NOC4L: variants seen among roughly 807,000 people sequenced by gnomAD.
The protein encoded by NOC4L is nucleolar complex protein 4 homolog.
In NOC4L, 40 loss-of-function variants were observed where a neutral mutation model predicts 62.8. The ratio of observed to expected loss-of-function variants is 0.64; its 90% CI spans 0.49 to 0.83. NOC4L has a LOEUF of 0.83. NOC4L is among the 40% of genes least tolerant of loss of function. The pLI is 0.00. For missense variants in NOC4L, 927 were observed against 701.9 expected (o/e 1.32, Z -3.62); for synonymous variants, 433 against 299.8 (o/e 1.44, Z -4.59).
At chr12:132,150,791 TCCCCGATCCCACTGCCTCCA>T in intron 9 of NOC4L, 170 bp from the exon 10 acceptor site, 1 of 597,918 alleles carries the variant, frequency 1.7e-6, no homozygotes, top group Non-Finnish European at 3.0e-6. Flanking sequence ...CAGCACCTCT[TCCCCGATCCCACTGCCTCCA>T]CCCCCCACTC....
Position 132,144,800 on chromosome 12 carries a change from AG to A in NOC4L, c.118-50del, listed in dbSNP as rs547395275. 2,575 of 1,569,832 alleles carry A rather than the reference AG, an allele frequency of 1.6e-3. 27 individuals carry two copies. In the African/African-American group the frequency reaches 0.031, roughly 19 times the overall value. ...GGAACGGGTTGGGGGCAGCCTAGGC[AG>A]GGGCGAAGGTGACAGTTGGCGGCCG... On this transcript the variant is annotated intron_variant, in intron 1 of 14. Transcript: ENST00000330579.
chr12:132,148,798 C>T lies in NOC4L; in HGVS notation c.804C>T (p.Leu268=), dbSNP rs920981417. 2 of 1,596,830 alleles carry T rather than the reference C, an allele frequency of 1.3e-6. No homozygotes were observed. The highest frequency in any genetic ancestry group is 1.1e-5 in the South Asian group (1 of 89,424). Residue 268 remains leucine, a synonymous_variant, in exon 9 of 15, where the codon CTC becomes CTT. Coordinates refer to ENST00000330579, the MANE Select transcript of NOC4L (RefSeq NM_024078.3). ...SFLKHKLPLS[L]YKKVLLIVHD... is the part of the protein sequence containing the mutation. ...CCCCCGCCCAGCTGCCCCTCAGCCT[C>T]TACAAGAAGGTGCTGCTGATTGTGC...
chr12:132,145,074 T>A, intron 2 of NOC4L, 100 bp downstream of exon 2: 1 of 1,444,920 alleles, frequency 6.9e-7, no homozygotes, highest in East Asian at 2.5e-5. Context: ...GCACAGGCCG[T>A]GCAGGCTGGT....
At chr12:132,144,666 G>C (rs1159732276) in intron 1 of NOC4L, 61 bp downstream of exon 1, 27 of 1,456,286 alleles carry the variant, frequency 1.9e-5, no homozygotes, top group Non-Finnish European at 2.4e-5. Flanking sequence ...TGAATGGGGG[G>C]CTGCGGCGGC....
intron 9 of NOC4L, 189 bp from the exon 10 acceptor site, chr12:132,150,792 C>A: frequency 1.7e-6 from 1 of 571,682 alleles, no homozygotes; most frequent in Non-Finnish European, 3.2e-6. Context: ...AGCACCTCTT[C>A]CCCGATCCCA....
chr12:132,148,977 C>CG, intron 9 of NOC4L, 82 bp downstream of exon 9: 1 of 217,504 alleles, frequency 4.6e-6, no homozygotes. Flanking sequence ...CACCCCTAAT[C>CG]CCCTCGGTGA....
rs199587831 is a variant in NOC4L, at chr12:132,152,291, C to T, written c.1441C>T (p.Arg481Trp). The part of the protein sequence containing the change: ...LELTAYEIFE[R>W]DLKKKGPEPV... Reference sequence around the variant, plus strand: ...GCTTTGTGCTTTGCAGATCTTTGAGCGGGACCTGAAGAAGAAGGGGCCCGA... The same window carrying T: ...GCTTTGTGCTTTGCAGATCTTTGAGTGGGACCTGAAGAAGAAGGGGCCCGA... Residue 481 changes from arginine to tryptophan, a missense_variant, in exon 15 of 15, where the codon CGG (arginine) becomes TGG (tryptophan). Arg to Trp is a moderately radical substitution (Grantham distance 101). Coordinates refer to ENST00000330579, the MANE Select transcript of NOC4L (RefSeq NM_024078.3). 5.5e-4 allele frequency: 864 copies of T among 1,563,924 alleles called. 3 individuals carry two copies. The highest frequency in any genetic ancestry group is 3.8e-3 in the South Asian group (324 of 85,848).
chr12:132,152,437 C>T lies in NOC4L; in HGVS notation c.*36C>T, dbSNP rs1593434068. ...CCTGTGAATAAATCTCAGCTGACCC[C>T]AGCCCACCTGTGAATAAATGTTTTT... is the stretch of plus-strand genomic sequence containing the variant. On this transcript the variant is annotated 3_prime_UTR_variant, in exon 15 of 15. Transcript: ENST00000330579. The T allele has an allele frequency of 6.5e-7, 1 of 1,545,896 alleles. No homozygotes were observed. The highest frequency in any genetic ancestry group is 8.8e-7 in the Non-Finnish European group (1 of 1,140,974).
intron 9 of NOC4L, 74 bp from the exon 10 acceptor site, chr12:132,150,907 T>TA: frequency 8.9e-7 from 1 of 1,128,584 alleles, no homozygotes; most frequent in Middle Eastern, 2.1e-4. Context: ...TCCACAGACT[T>TA]ACACTCAGTG....
At position 132,151,031 on chromosome 12, in the gene NOC4L, A is replaced by C. The variant is rs1404027632; in HGVS notation, c.952A>C (p.Lys318Gln). The change falls in exon 10 of 15, where the codon AAA becomes CAA. Residue 318 changes from lysine (K) to glutamine (Q), a missense_variant. Coordinates refer to ENST00000330579, the MANE Select transcript of NOC4L (RefSeq NM_024078.3). ...ALNGLFILIH[K>Q]HNLEYPDFYR... ...GAACGGGCTGTTCATCTTGATTCAC[A>C]AACACAACCTGTGAGTGTCACCAGG... The C allele has an allele frequency of 7.4e-6, 12 of 1,610,976 alleles. No individual in the cohort carries two copies. In the Admixed American group the frequency reaches 1.7e-4, roughly 22 times the overall value.
At position 132,152,374 on chromosome 12, in the gene NOC4L, C is replaced by G. The variant is rs1168410063; in HGVS notation, c.1524C>G (p.Leu508=). The change falls in exon 15 of 15, where the codon CTC becomes CTG. Residue 508 remains leucine, a synonymous_variant. Coordinates refer to ENST00000330579, the MANE Select transcript of NOC4L (RefSeq NM_024078.3). ...AQGLLGRPGE[L]CAQHFTLS Reference sequence around the variant, plus strand: ...GCCTGCTGGGACGGCCGGGTGAACTCTGTGCCCAGCACTTCACGCTCAGCT... The same window carrying G: ...GCCTGCTGGGACGGCCGGGTGAACTGTGTGCCCAGCACTTCACGCTCAGCT... 6.3e-7 allele frequency: 1 copy of G among 1,579,676 alleles called. No homozygotes were observed. The highest frequency in any genetic ancestry group is 8.6e-7 in the Non-Finnish European group (1 of 1,161,986).
At position 132,144,897 on chromosome 12, in the gene NOC4L, G is replaced by A. The variant is rs1565957302; in HGVS notation, c.161G>A (p.Ser54Asn). The A allele has an allele frequency of 5.0e-6, 8 of 1,602,332 alleles. No individual in the cohort carries two copies. Among genetic ancestry groups the A allele is most frequent in the Non-Finnish European group, 6.8e-6 (8 of 1,175,884 alleles). Residue 54 changes from serine (S) to asparagine (N), a missense_variant, in exon 2 of 15, where the codon AGC (serine) becomes AAC (asparagine). Transcript: ENST00000330579. ...ATCCAGGAAGCAGTCCGCACGTGCA[G>A]CCGTCTTTTCGGGGCCTTGCTGGAG... is the stretch of plus-strand genomic sequence containing the variant. ...EEIQEAVRTC[S>N]RLFGALLERG...
Position 132,147,613 on chromosome 12 carries a change from T to C in NOC4L, c.454-20T>C, listed in dbSNP as rs1483998603. 3.1e-6 allele frequency: 5 copies of C among 1,611,614 alleles called. No individual in the cohort carries two copies. The highest frequency in any genetic ancestry group is 3.4e-6 in the Non-Finnish European group (4 of 1,179,420). On this transcript the variant is annotated intron_variant, in intron 4 of 14. Transcript: ENST00000330579. ...CGTATGCTGGGCCGGGCAGGGCTGC[T>C]CACTGGTCCTTGCCCCTAGTTGGTG...
At chr12:132,150,785 A>G (rs1897903513) in intron 9 of NOC4L, 196 bp from the exon 10 acceptor site, 2 of 560,730 alleles carry the variant, frequency 3.6e-6, no homozygotes, top group South Asian at 4.1e-5. Context: ...ACCCCGCAGC[A>G]CCTCTTCCCC....
chr12:132,149,149 T>C (rs1400118490), intron 9 of NOC4L, among the ~76,000 whole-genome samples: 5 of 53,536 alleles, frequency 9.3e-5, no homozygotes, highest in African/African-American at 4.1e-4. Context: ...ACCACACCCC[T>C]AATCCCCTCG....
Position 132,151,331 on chromosome 12 carries a change from C to T in NOC4L, c.1036C>T (p.Arg346Cys), listed in dbSNP as rs745477959. The change falls in exon 11 of 15, where the codon CGC (arginine) becomes TGC (cysteine). Residue 346 changes from arginine to cysteine, a missense_variant. Arg to Cys is a radical substitution (Grantham distance 180). Transcript: ENST00000330579. ...PSVFHVKYRA[R>C]FFHLADLFLS... ...TGTCTTTCACGTCAAGTACCGCGCCCGCTTCTTCCACCTGGCTGACCTCTT... is the reference window on the plus strand; with the variant it reads ...TGTCTTTCACGTCAAGTACCGCGCCTGCTTCTTCCACCTGGCTGACCTCTT... The T allele has an allele frequency of 2.2e-5, 35 of 1,611,430 alleles. No homozygotes were observed. Among genetic ancestry groups the T allele is most frequent in the Admixed American group, 8.3e-5 (5 of 60,008 alleles).
At chr12:132,144,717 G>T in intron 1 of NOC4L, 112 bp downstream of exon 1, 1 of 1,461,594 alleles carries the variant, frequency 6.8e-7, no homozygotes. Flanking sequence ...GGGGGTCAGG[G>T]TGGGAGGCGT....
intron 7 of NOC4L, 124 bp downstream of exon 7, chr12:132,148,230 C>A: frequency 2.1e-6 from 2 of 957,702 alleles, no homozygotes; most frequent in Non-Finnish European, 3.2e-6. Flanking sequence ...CAGGTGGCAG[C>A]TTGCACGGCC....
chr12:132,148,600 C>A lies in NOC4L; in HGVS notation c.739-9C>A. 2.6e-6 allele frequency: 4 copies of A among 1,549,602 alleles called. No individual in the cohort carries two copies. The highest frequency in any genetic ancestry group is 3.5e-6 in the Non-Finnish European group (4 of 1,146,280). ...GAGGGCGGCGAGTGCAGTCTGGACC[C>A]CGTTGCAGGAGCACAGGAGGGTTTT... On this transcript the variant is annotated splice_polypyrimidine_tract_variant and intron_variant, in intron 7 of 14. Coordinates refer to ENST00000330579, the MANE Select transcript of NOC4L (RefSeq NM_024078.3).
Sources: allele counts gnomAD v4.1 joint callset (sites outside exome capture counted in the v4.1 genomes callset), GRCh38; gene constraint gnomAD v4.1.1; transcripts MANE v1.5; gene names NCBI Gene and HGNC (gene_info 2026-07-23, HGNC 2026-07-21).